Variants in ACAD8 observed in about 807,000 individuals in gnomAD.
ACAD8 encodes acyl-CoA dehydrogenase family member 8.
In ACAD8, 47 loss-of-function variants were observed where a neutral mutation model predicts 53.1. The observed-to-expected ratio is 0.89, with a 90% confidence interval of 0.70 to 1.13. The LOEUF is 1.13. Among genes scored for constraint, ACAD8 ranks in the 50% most tolerant of loss-of-function variants. The pLI is 0.00. For synonymous variants in ACAD8, 198 were observed against 201.3 expected, an observed-to-expected ratio of 0.98 and a Z score of 0.14; for missense variants, 494 against 535.0, an observed-to-expected ratio of 0.92 and a Z score of 0.76.
At position 134,262,274 on chromosome 11, in the gene ACAD8, C is replaced by T. The variant is rs79519672; in HGVS notation, c.1093-246C>T. On this transcript the variant is annotated intron_variant, in intron 9 of 10. Coordinates refer to ENST00000281182, the MANE Select transcript of ACAD8 (RefSeq NM_014384.3). Reference sequence around the variant, plus strand: ...GTGGCTGTGGGCAGCTTCTGCCTGGCAGGTAATAAGGGAGAGGGGCAGAGG... The same window carrying T: ...GTGGCTGTGGGCAGCTTCTGCCTGGTAGGTAATAAGGGAGAGGGGCAGAGG... The T allele has an allele frequency of 1.9e-3, 1,247 of 660,008 alleles. 10 individuals are homozygous for T. The African/African-American group carries it at 0.02, about 11-fold the overall frequency. 40.9% of individuals were successfully genotyped at this position (660,008 alleles called of 1,614,324 possible).
At position 134,258,508 on chromosome 11, in the gene ACAD8, C is replaced by T. The variant is rs1939679796; in HGVS notation, c.381-7C>T. 3.1e-6 allele frequency: 5 copies of T among 1,595,052 alleles called. No individual in the cohort carries two copies. In the East Asian group the frequency reaches 8.9e-5, roughly 29 times the overall value. ...TCATTGTCTTTTCTTCTTGGTGTAC[C>T]TATCAGCATGTGTGCCTGGATGATT... On this transcript the variant is annotated splice_polypyrimidine_tract_variant and splice_region_variant and intron_variant, in intron 3 of 10. Coordinates refer to ENST00000281182, the MANE Select transcript of ACAD8 (RefSeq NM_014384.3).
At chr11:134,263,191 C>T in intron 10 of ACAD8, 1 of 1,053,336 alleles carries the variant, frequency 9.5e-7, no homozygotes, top group Non-Finnish European at 1.2e-6. Context: ...TCTCCACTCT[C>T]TACAGCCAGT....
chr11:134,263,745 G>A, intron 10 of ACAD8: 2 of 985,250 alleles, frequency 2.0e-6, no homozygotes, highest in Non-Finnish European at 2.4e-6. Flanking sequence ...GCAATAATAA[G>A]CAGGAAAACA....
chr11:134,262,237 A>G (rs1939924068), intron 9 of ACAD8: 1 of 648,184 alleles, frequency 1.5e-6, no homozygotes, highest in Non-Finnish European at 2.8e-6. Flanking sequence ...GCTTTTTATC[A>G]TCCCAGCCAG....
intron 1 of ACAD8, 58 bp downstream of exon 1, chr11:134,253,767 C>T (rs1223969577): frequency 1.1e-5 from 17 of 1,483,348 alleles, no homozygotes; most frequent in Non-Finnish European, 1.6e-5. Flanking sequence ...GGACATATGT[C>T]CGCGAGGGGC....
intron 3 of ACAD8, 42 bp downstream of exon 3, chr11:134,257,299 G>A (rs368535073): frequency 2.5e-5 from 40 of 1,606,682 alleles, no homozygotes; most frequent in Non-Finnish European, 3.1e-5. Context: ...GTGCTCACTC[G>A]GGCTGACTGT....
chr11:134,259,872 A>G (rs780026252), intron 6 of ACAD8, 127 bp downstream of exon 6: 1 of 1,531,740 alleles, frequency 6.5e-7, no homozygotes, highest in South Asian at 1.2e-5. Context: ...AGTTGCTTCT[A>G]TTAGGATTTT....
chr11:134,264,219 C>T (rs1213961785), intron 10 of ACAD8, among the ~76,000 whole-genome samples: 1 of 152,114 alleles, frequency 6.6e-6, no homozygotes, highest in African/African-American at 2.4e-5. Flanking sequence ...GTGGTGCATG[C>T]CTGGAATCCC....
At chr11:134,254,045 G>C (rs1359084369) in intron 1 of ACAD8, among the ~76,000 whole-genome samples, 1 of 149,848 alleles carries the variant, frequency 6.7e-6, no homozygotes, top group Non-Finnish European at 1.5e-5. Context: ...CCCTCCGGCC[G>C]GTCATCCCCC....
chr11:134,262,719 G>A, intron 10 of ACAD8, 97 bp downstream of exon 10: 2 of 1,520,236 alleles, frequency 1.3e-6, no homozygotes, highest in East Asian at 2.5e-5. Flanking sequence ...GCCTCAGGGT[G>A]CAGTCAAGCC....
In ACAD8 at chr11:134,262,598, T is replaced by G. The variant is rs773332878; in HGVS notation, c.1171T>G (p.Ser391Ala). 1.2e-6 allele frequency: 2 copies of G among 1,613,950 alleles called. No homozygotes were observed. Among genetic ancestry groups the G allele is most frequent in the Non-Finnish European group, 1.7e-6 (2 of 1,179,908 alleles). ...CGCTGTTCAGCAGTACGTGCGGGAC[T>G]CCAGGGTCCACCAGATTCTAGAAGG... Reference protein sequence around the residue: ...DYAVQQYVRDSRVHQILEGSN... With the variant: ...DYAVQQYVRDARVHQILEGSN... The change falls in exon 10 of 11, where the codon TCC becomes GCC. Residue 391 changes from serine to alanine, a missense_variant. Coordinates refer to ENST00000281182, the MANE Select transcript of ACAD8 (RefSeq NM_014384.3).
chr11:134,257,364 G>A, intron 3 of ACAD8, 107 bp downstream of exon 3: 1 of 1,408,866 alleles, frequency 7.1e-7, no homozygotes, highest in Non-Finnish European at 9.8e-7. Flanking sequence ...GTGTCCTCAA[G>A]GAACTGGACT....
intron 10 of ACAD8, chr11:134,263,990 T>A: frequency 1.0e-6 from 1 of 985,408 alleles, no homozygotes; most frequent in Non-Finnish European, 1.2e-6. Context: ...TTTTCATTCT[T>A]TTGTAAGTCA....
At chr11:134,256,934 G>A in intron 2 of ACAD8, 154 bp from the exon 3 acceptor site, 2 of 839,222 alleles carry the variant, frequency 2.4e-6, no homozygotes, top group African/African-American at 1.7e-5. Flanking sequence ...CAGGACCCAT[G>A]TTAACTGATA....
At chr11:134,262,286 G>GA (rs1342434385) in intron 9 of ACAD8, 1 of 664,522 alleles carries the variant, frequency 1.5e-6, no homozygotes, top group Admixed American at 2.1e-5. Context: ...GGTAATAAGG[G>GA]AGAGGGGCAG....
At chr11:134,258,150 CCT>C in intron 3 of ACAD8, 2 of 347,176 alleles carry the variant, frequency 5.8e-6, no homozygotes, top group Admixed American at 8.2e-5. Context: ...GCACCCGGCC[CCT>C]CTCACCCTTT....
At position 134,261,301 on chromosome 11, in the gene ACAD8, GC is replaced by G. The variant is rs762569504; in HGVS notation, c.870del (p.Ser291LeufsTer41). On this transcript the variant is annotated frameshift_variant, in exon 8 of 11. Transcript: ENST00000281182. LOFTEE classifies it high-confidence loss of function. This position sits in a 1 kb window ranked among gnomAD's most constrained non-coding sequence, Gnocchi z 4.2. ...IASCSLGAAH[A>X]SVILTRDHLN... Reference sequence around the variant, plus strand: ...TTCCTGCTCCCTGGGGGCTGCCCACGCCTCTGTCATCCTCACCCGAGACCAC... The same window carrying G: ...TTCCTGCTCCCTGGGGGCTGCCCACGCTCTGTCATCCTCACCCGAGACCAC... The G allele has an allele frequency of 5.6e-6, 9 of 1,614,148 alleles. No individual in the cohort carries two copies. Among genetic ancestry groups the G allele is most frequent in the South Asian group, 3.3e-5 (3 of 91,076 alleles).
Position 134,256,666 on chromosome 11 carries a change from G to T in ACAD8, c.210+18G>T. 1 of 1,605,486 alleles carries T rather than the reference G, an allele frequency of 6.2e-7. No homozygotes were observed. Among genetic ancestry groups the T allele is most frequent in the Non-Finnish European group, 8.5e-7 (1 of 1,172,462 alleles). ...ACCAGAAGGTAGGCGTTTTTCTTGTGCTTAGACGTTCTAACAACAGATGTC... is the reference window on the plus strand; with the variant it reads ...ACCAGAAGGTAGGCGTTTTTCTTGTTCTTAGACGTTCTAACAACAGATGTC... On this transcript the variant is annotated intron_variant, in intron 2 of 10. Coordinates refer to ENST00000281182, the MANE Select transcript of ACAD8 (RefSeq NM_014384.3).
At chr11:134,262,645 C>A (rs1451461033) in intron 10 of ACAD8, 23 bp downstream of exon 10, 21 of 1,602,826 alleles carry the variant, frequency 1.3e-5, no homozygotes, top group Non-Finnish European at 1.8e-5. Context: ...AGAGGTTATT[C>A]TCTTCCCTTC....
Sources: allele counts gnomAD v4.1 joint callset (sites outside exome capture counted in the v4.1 genomes callset), GRCh38; gene constraint gnomAD v4.1.1; non-coding constraint Gnocchi (gnomAD v3.1); transcripts MANE v1.5; gene names NCBI Gene and HGNC (gene_info 2026-07-23, HGNC 2026-07-21).